Variants in COL23A1 observed in about 807,000 individuals in gnomAD.
COL23A1 encodes the protein collagen alpha-1(XXIII) chain.
Under a neutral mutation model 99.3 loss-of-function variants are expected in COL23A1, and 97 were observed. The observed-to-expected ratio is 0.98, with a 90% CI of 0.83 to 1.16. The LOEUF is 1.16. COL23A1 is among the 50% of genes most tolerant of loss of function. The pLI, the probability that COL23A1 is intolerant of heterozygous loss-of-function variation, is 0.00. For synonymous variants in COL23A1, 320 were observed against 308.2 expected, an observed-to-expected ratio of 1.04 and a Z score of -0.40; for missense variants, 762 against 757.4, an observed-to-expected ratio of 1.01 and a Z score of -0.07.
chr5:178,372,088 A>C (rs950111706), intron 2 of COL23A1, among the ~76,000 whole-genome samples: 2 of 152,238 alleles, frequency 1.3e-5, no homozygotes, highest in Admixed American at 6.5e-5. Context: ...CCCAGAGTTA[A>C]AAATCAGGCA....
At chr5:178,534,138 T>C (rs487074) in intron 2 of COL23A1, among the ~76,000 whole-genome samples, 74,634 of 152,016 alleles carry the variant, frequency 0.49, 18,954 homozygotes, top group Non-Finnish European at 0.57. Context: ...GGCTTATAAA[T>C]GTTTATTTCT....
chr5:178,268,458 C>A (rs1180072499), intron 7 of COL23A1, among the ~76,000 whole-genome samples: 1 of 152,224 alleles, frequency 6.6e-6, no homozygotes, highest in Non-Finnish European at 1.5e-5. Context: ...GGACACTCGT[C>A]ATTCTGGGAA....
At chr5:178,419,181 C>T (rs1765466023) in intron 2 of COL23A1, among the ~76,000 whole-genome samples, 4 of 152,236 alleles carry the variant, frequency 2.6e-5, no homozygotes, top group African/African-American at 9.6e-5. Context: ...GTGGCTGCTA[C>T]CTGCTGGCCC....
At chr5:178,408,082 G>C (rs1053588938) in intron 2 of COL23A1, among the ~76,000 whole-genome samples, 1 of 152,186 alleles carries the variant, frequency 6.6e-6, no homozygotes, top group Non-Finnish European at 1.5e-5. Flanking sequence ...AAATATTTCA[G>C]AGAGAAATGA....
chr5:178,459,676 C>T (rs950803345), intron 2 of COL23A1, among the ~76,000 whole-genome samples: 4 of 152,126 alleles, frequency 2.6e-5, no homozygotes, highest in Admixed American at 6.6e-5. Flanking sequence ...GCAGGAGAAT[C>T]GCTTGAACCC....
intron 1 of COL23A1, among the ~76,000 whole-genome samples, chr5:178,574,900 T>G (rs1763274598): frequency 6.6e-6 from 1 of 152,234 alleles, no homozygotes; most frequent in Non-Finnish European, 1.5e-5. Flanking sequence ...CTTACCTGAT[T>G]TGGCATGTGA....
At chr5:178,519,707 A>G (rs1759833063) in intron 2 of COL23A1, among the ~76,000 whole-genome samples, 1 of 152,232 alleles carries the variant, frequency 6.6e-6, no homozygotes, top group Non-Finnish European at 1.5e-5. Context: ...CACTGTATCT[A>G]AGAGCCTAGC....
At chr5:178,358,423 G>A (rs900433501) in intron 2 of COL23A1, among the ~76,000 whole-genome samples, 1 of 146,342 alleles carries the variant, frequency 6.8e-6, no homozygotes, top group Admixed American at 6.7e-5. Flanking sequence ...GTGTATGTGT[G>A]TGTATGTGTA....
At chr5:178,409,790 G>C (rs185843958) in intron 2 of COL23A1, among the ~76,000 whole-genome samples, 3 of 152,190 alleles carry the variant, frequency 2.0e-5, no homozygotes, top group African/African-American at 7.2e-5. Flanking sequence ...ATGGCATTTC[G>C]ATCAGTGCTA....
At chr5:178,248,952 A>G (rs898216113) in intron 19 of COL23A1, among the ~76,000 whole-genome samples, 165 bp downstream of exon 19, 5 of 152,140 alleles carry the variant, frequency 3.3e-5, no homozygotes, top group African/African-American at 1.2e-4. Context: ...GGGAGAGAGG[A>G]GGACAGCGCT....
intron 2 of COL23A1, among the ~76,000 whole-genome samples, chr5:178,457,429 G>A (rs1755848565): frequency 6.6e-6 from 1 of 152,102 alleles, no homozygotes; most frequent in African/African-American, 2.4e-5. Context: ...TGGCCAGGCT[G>A]GTTTCGAACC....
chr5:178,441,328 A>T (rs1310769616), intron 2 of COL23A1, among the ~76,000 whole-genome samples: 2 of 152,204 alleles, frequency 1.3e-5, no homozygotes, highest in African/African-American at 4.8e-5. Context: ...TAATACATAC[A>T]CGTGCATTTT....
At chr5:178,407,240 C>T (rs1270948990) in intron 2 of COL23A1, among the ~76,000 whole-genome samples, 1 of 152,178 alleles carries the variant, frequency 6.6e-6, no homozygotes, top group African/African-American at 2.4e-5. Context: ...AACAAGGAGC[C>T]CCTCACCACC....
In COL23A1 at chr5:178,445,014, A is replaced by G. The variant is rs552482161; in HGVS notation, c.361+115668T>C. 2.8e-4 allele frequency among the ~76,000 whole-genome samples: 42 copies of G among 152,126 alleles called. No homozygotes were observed. In the Middle Eastern group the frequency reaches 0.01, roughly 37 times the overall value. ...ATGTTACTTGCTATTTATTTCTGAG[A>G]AAAAAAACATTGCCTGGCTAGTGCT... On this transcript the variant is annotated intron_variant, in intron 2 of 28. Coordinates refer to ENST00000390654, the MANE Select transcript of COL23A1 (RefSeq NM_173465.4).
intron 7 of COL23A1, 125 bp downstream of exon 7, chr5:178,268,605 G>T: frequency 2.3e-6 from 2 of 853,178 alleles, no homozygotes; most frequent in East Asian, 2.9e-5. Flanking sequence ...TCTACAGATG[G>T]GGAAACTGAG....
chr5:178,585,227 C>G (rs941327272), intron 1 of COL23A1, among the ~76,000 whole-genome samples: 3 of 152,272 alleles, frequency 2.0e-5, no homozygotes. Flanking sequence ...TGACTGAACC[C>G]CCGCTCTGCC....
intron 2 of COL23A1, among the ~76,000 whole-genome samples, chr5:178,495,447 T>C (rs1758146032): frequency 6.6e-6 from 1 of 152,170 alleles, no homozygotes; most frequent in Non-Finnish European, 1.5e-5. Flanking sequence ...GAGGCACTAC[T>C]GGAATGAATG....
intron 2 of COL23A1, among the ~76,000 whole-genome samples, chr5:178,515,683 G>C (rs1457993263): frequency 2.0e-5 from 3 of 152,108 alleles, no homozygotes; most frequent in African/African-American, 4.8e-5. Context: ...CTGGACCCTA[G>C]GTCTACATCT....
intron 1 of COL23A1, among the ~76,000 whole-genome samples, chr5:178,588,216 G>T (rs1004389105): frequency 1.3e-5 from 2 of 152,150 alleles, no homozygotes; most frequent in African/African-American, 2.4e-5. Context: ...CAGCCGGGAG[G>T]GGGGAAGCCT....
Sources: gnomAD v4.1 joint callset for allele counts (sites outside exome capture counted in the v4.1 genomes callset) on GRCh38, gnomAD v4.1.1 for gene constraint, MANE v1.5 for transcripts, NCBI Gene and HGNC (gene_info 2026-07-23, HGNC 2026-07-21) for gene names.